Variants in MSR1 observed in about 807,000 individuals in gnomAD.
MSR1 encodes macrophage scavenger receptor types I and II.
In MSR1, 53 loss-of-function variants were observed where a neutral mutation model predicts 47.2. The ratio of observed to expected loss-of-function variants is 1.12; its 90% CI spans 0.90 to 1.41. MSR1 has a LOEUF of 1.41. Ranked by LOEUF, MSR1 falls within the 40% of genes most tolerant of loss-of-function variation. The pLI is 0.00. For missense variants in MSR1, 786 were observed against 546.9 expected (o/e 1.44, Z -4.36); for synonymous variants, 239 against 185.6 (o/e 1.29, Z -2.34).
chr8:16,146,185 A>G (rs1329154175), intron 7 of MSR1, among the ~76,000 whole-genome samples: 1 of 151,952 alleles, frequency 6.6e-6, no homozygotes, highest in Non-Finnish European at 1.5e-5. Context: ...CTTTCAAGCT[A>G]CTTTCAAATG....
intron 3 of MSR1, among the ~76,000 whole-genome samples, chr8:16,170,842 T>C (rs1297226617): frequency 6.6e-6 from 1 of 152,186 alleles, no homozygotes; most frequent in Non-Finnish European, 1.5e-5. Context: ...TTGCTTTGGT[T>C]TTCTCAATTT....
chr8:16,153,661 T>C (rs563669439), intron 6 of MSR1, among the ~76,000 whole-genome samples: 18 of 152,118 alleles, frequency 1.2e-4, no homozygotes, highest in African/African-American at 4.3e-4. Context: ...ACATTCACAG[T>C]TCAGAAACAG....
chr8:16,178,049 T>G lies in MSR1; in HGVS notation c.-4-57A>C, dbSNP rs1269504298. 3.8e-5 allele frequency: 51 copies of G among 1,352,994 alleles called. No individual in the cohort carries two copies. In the South Asian group the frequency reaches 5.9e-4, roughly 16 times the overall value. The allele number at this position is 1,352,994 out of a possible 1,614,324, so 83.8% of individuals were successfully genotyped here. ...CCACATGAAATGGCTAGGGCTCTTT[T>G]GCATAATGTTTTAAACTGAAATTTC... On this transcript the variant is annotated intron_variant, in intron 1 of 9. Transcript: ENST00000262101.
chr8:16,111,247 C>T (rs926786892), intron 9 of MSR1, among the ~76,000 whole-genome samples: 4 of 152,070 alleles, frequency 2.6e-5, no homozygotes, highest in Non-Finnish European at 4.4e-5. Flanking sequence ...TAAGACTATT[C>T]CCATGTTAAT....
intron 1 of MSR1, among the ~76,000 whole-genome samples, chr8:16,189,138 CAT>C (rs1802090128): frequency 7.2e-6 from 1 of 139,814 alleles, no homozygotes; most frequent in South Asian, 2.2e-4. Flanking sequence ...CCTTATTTTA[CAT>C]ATATTTCATA....
chr8:16,161,284 T>C (rs1388585170), intron 5 of MSR1, among the ~76,000 whole-genome samples: 4 of 151,872 alleles, frequency 2.6e-5, no homozygotes, highest in African/African-American at 4.8e-5. Flanking sequence ...AGCAGGTAGT[T>C]GGAAAATGAC....
intron 8 of MSR1, among the ~76,000 whole-genome samples, chr8:16,123,514 C>G (rs1245988690): frequency 2.0e-5 from 2 of 101,352 alleles, no homozygotes; most frequent in African/African-American, 6.8e-5. Flanking sequence ...TATATTTAGT[C>G]AGATAGGGCT....
intron 8 of MSR1, among the ~76,000 whole-genome samples, chr8:16,136,038 C>G (rs1800381075): frequency 6.6e-6 from 1 of 152,126 alleles, no homozygotes; most frequent in Non-Finnish European, 1.5e-5. Context: ...AGGGAAGATG[C>G]TGTGAACATT....
chr8:16,162,398 C>G (rs1396041120), intron 5 of MSR1, among the ~76,000 whole-genome samples: 1 of 152,004 alleles, frequency 6.6e-6, no homozygotes, highest in African/African-American at 2.4e-5. Context: ...AGATATACTT[C>G]AGGCAGAAGG....
At chr8:16,145,007 A>G (rs926640779) in intron 7 of MSR1, among the ~76,000 whole-genome samples, 7 of 152,092 alleles carry the variant, frequency 4.6e-5, no homozygotes, top group Admixed American at 4.6e-4. Context: ...CAGCTAAAAA[A>G]ATACATATAT....
chr8:16,139,770 AAAAAATATATATATAT>A (rs1800494231), intron 8 of MSR1: 1 of 62,818 alleles, frequency 1.6e-5, no homozygotes, highest in African/African-American at 9.9e-5. Context: ...AAAAAAAAAA[AAAAAATATATATATAT>A]ATATATATAT....
intron 3 of MSR1, among the ~76,000 whole-genome samples, chr8:16,172,413 C>T (rs1311275155): frequency 6.6e-6 from 1 of 152,044 alleles, no homozygotes; most frequent in African/African-American, 2.4e-5. Flanking sequence ...AAAATGTTAA[C>T]TTTTTATCAT....
intron 3 of MSR1, among the ~76,000 whole-genome samples, chr8:16,174,739 C>T (rs1008763782): frequency 1.3e-5 from 2 of 152,042 alleles, no homozygotes; most frequent in East Asian, 3.9e-4. Flanking sequence ...TTTTTCTGCT[C>T]TCAGTACTAA....
intron 8 of MSR1, among the ~76,000 whole-genome samples, chr8:16,141,756 A>C (rs753105966): frequency 6.6e-6 from 1 of 152,152 alleles, no homozygotes; most frequent in African/African-American, 2.4e-5. Flanking sequence ...TATCTGAAGA[A>C]AATGTTCAAA....
At chr8:16,168,960 T>G (rs1585181933) in intron 3 of MSR1, 90 bp from the exon 4 acceptor site, 1 of 1,323,246 alleles carries the variant, frequency 7.6e-7, no homozygotes, top group Non-Finnish European at 1.1e-6. Flanking sequence ...CCGTTCATTT[T>G]ATTCCATTCC....
rs904659075 is a variant in MSR1 at position 16,168,769 on chromosome 8, C to T, written c.319G>A (p.Glu107Lys). Reference protein sequence around the residue: ...LTGKGNDSEEEMRFQEVFMEH... With the variant: ...LTGKGNDSEEKMRFQEVFMEH... The stretch of plus-strand genomic sequence containing the variant: ...ATAAAGACTTCTTGAAATCTCATTT[C>T]CTCTTCGCTGTCATTTCCTTTTCCC... Residue 107 changes from glutamate to lysine, a missense_variant, in exon 4 of 10, where the codon GAA becomes AAA. By Grantham distance (56) the Glu-to-Lys change is moderately conservative. Transcript: ENST00000262101. 5.6e-6 allele frequency: 9 copies of T among 1,614,118 alleles called. No individual in the cohort carries two copies. Among genetic ancestry groups the T allele is most frequent in the Non-Finnish European group, 7.6e-6 (9 of 1,179,996 alleles).
chr8:16,169,483 G>T (rs1387339975), intron 3 of MSR1, among the ~76,000 whole-genome samples: 3 of 152,002 alleles, frequency 2.0e-5, no homozygotes, highest in Non-Finnish European at 4.4e-5. Flanking sequence ...CTTTATAAAG[G>T]TACGATTCTC....
chr8:16,190,413 T>C (rs1286896403), intron 1 of MSR1, among the ~76,000 whole-genome samples: 2 of 152,180 alleles, frequency 1.3e-5, no homozygotes, highest in Admixed American at 1.3e-4. Flanking sequence ...TAATAAAGCT[T>C]ATTTTAGAAT....
Position 16,118,020 on chromosome 8 carries a change from A to G in MSR1, c.1222+2398T>C, listed in dbSNP as rs887233937. ...CCTGGTGCCAAAAAGGTTGGGAACCACTGTCTTAAAGAAACAATGCTAAAT... is the reference window on the plus strand; with the variant it reads ...CCTGGTGCCAAAAAGGTTGGGAACCGCTGTCTTAAAGAAACAATGCTAAAT... On this transcript the variant is annotated intron_variant, in intron 9 of 9. Transcript: ENST00000262101. Among the ~76,000 whole-genome samples the G allele has an allele frequency of 3.3e-5, 5 of 152,278 alleles. No homozygotes were observed. In the South Asian group the frequency reaches 6.2e-4, roughly 19 times the overall value.
Sources: allele counts gnomAD v4.1 joint callset (sites outside exome capture counted in the v4.1 genomes callset), GRCh38; gene constraint gnomAD v4.1.1; transcripts MANE v1.5; gene names NCBI Gene and HGNC (gene_info 2026-07-23, HGNC 2026-07-21).